Variants in KDM4A observed in about 807,000 individuals in gnomAD.
KDM4A encodes the protein lysine-specific demethylase 4A.
Under a neutral mutation model 127.1 loss-of-function variants are expected in KDM4A, and 23 were observed. The observed-to-expected ratio is 0.18, with a 90% CI of 0.13 to 0.26. The LOEUF (loss-of-function observed/expected upper bound fraction) is 0.26. Among genes scored for constraint, KDM4A ranks in the 10% least tolerant of loss-of-function variants. KDM4A has a pLI of 1.00. For missense variants in KDM4A, 890 were observed against 1,329.1 expected, an observed-to-expected ratio of 0.67 and a Z score of 5.14; for synonymous variants, 443 against 466.5, an observed-to-expected ratio of 0.95 and a Z score of 0.65.
intron 3 of KDM4A, among the ~76,000 whole-genome samples, chr1:43,656,050 G>A (rs1159583652): frequency 2.0e-5 from 3 of 152,138 alleles, no homozygotes; most frequent in Admixed American, 2.0e-4. Flanking sequence ...AGTTGGATGT[G>A]GTGCACAAGG....
At chr1:43,701,239 AT>A (rs1317953541) in intron 19 of KDM4A, among the ~76,000 whole-genome samples, 1 of 152,194 alleles carries the variant, frequency 6.6e-6, no homozygotes, top group East Asian at 1.9e-4. Flanking sequence ...TAAAAATTAC[AT>A]TTGTTAGTAT....
rs567544951 is a variant in KDM4A, at chr1:43,665,952, G to C, written c.673+207G>C. 3.3e-5 allele frequency among the ~76,000 whole-genome samples: 5 copies of C among 152,290 alleles called. No individual in the cohort carries two copies. The East Asian group carries it at 9.7e-4, about 29-fold the overall frequency. Reference sequence around the variant, plus strand: ...TGACTGTCTGTGCCTCAGTTTTAATGAGCAGGGGTGTTTCTTTGACCAGCG... The same window carrying C: ...TGACTGTCTGTGCCTCAGTTTTAATCAGCAGGGGTGTTTCTTTGACCAGCG... On this transcript the variant is annotated intron_variant, in intron 6 of 21. Transcript: ENST00000372396.
At chr1:43,666,646 G>T (rs371770453) in intron 7 of KDM4A, 91 bp downstream of exon 7, 12 of 1,034,946 alleles carry the variant, frequency 1.2e-5, no homozygotes, top group East Asian at 4.8e-5. Context: ...TATACCAAGA[G>T]GGGGCCAAAG....
Position 43,704,234 on chromosome 1 carries a change from T to C in KDM4A, c.3059T>C (p.Val1020Ala), listed in dbSNP as rs756568719. 3 of 1,613,952 alleles carry C rather than the reference T, an allele frequency of 1.9e-6. No individual in the cohort carries two copies. Among genetic ancestry groups the C allele is most frequent in the Non-Finnish European group, 2.5e-6 (3 of 1,179,992 alleles). ...GGCTTGCTTATTCTTCTATAGTCAG[T>C]AGCCTCAGACATGCGCTTCAATGAG... ...LPKRVKSRLS[V>A]ASDMRFNEIF... Residue 1020 changes from valine to alanine, a missense_variant, in exon 22 of 22, where the codon GTA (valine) becomes GCA (alanine). By Grantham distance (64) the Val-to-Ala change is moderately conservative. Coordinates refer to ENST00000372396, the MANE Select transcript of KDM4A (RefSeq NM_014663.3).
chr1:43,671,823 C>T lies in KDM4A; in HGVS notation c.1682C>T (p.Thr561Met), dbSNP rs769974000. ...DGRVTVGEPCTRKKGSAARSF... is the reference protein window; with the variant it reads ...DGRVTVGEPCMRKKGSAARSF... ...AGGGTCACTGTGGGAGAGCCATGCA[C>T]GAGGAAGAAAGGAAGCGCCGCTAGA... is the stretch of plus-strand genomic sequence containing the variant. Residue 561 changes from threonine to methionine, a missense_variant, in exon 11 of 22, where the codon ACG (threonine) becomes ATG (methionine). By Grantham distance (81) the Thr-to-Met change is moderately conservative. Coordinates refer to ENST00000372396, the MANE Select transcript of KDM4A (RefSeq NM_014663.3). 1.6e-5 allele frequency: 25 copies of T among 1,593,036 alleles called. No homozygotes were observed. Among genetic ancestry groups the T allele is most frequent in the Middle Eastern group, 1.7e-4 (1 of 5,932 alleles).
At chr1:43,671,292 C>T (rs1479010738) in intron 10 of KDM4A, among the ~76,000 whole-genome samples, 1 of 152,152 alleles carries the variant, frequency 6.6e-6, no homozygotes, top group Non-Finnish European at 1.5e-5. Flanking sequence ...CCCTGTAGAT[C>T]TGTAGTAGCA....
intron 4 of KDM4A, among the ~76,000 whole-genome samples, chr1:43,661,632 A>AAAAAG (rs1660383509): frequency 9.4e-5 from 10 of 106,072 alleles, no homozygotes; most frequent in East Asian, 3.0e-4. Context: ...AAAAAAAAAA[A>AAAAAG]AAAAAAAAGA....
chr1:43,694,883 C>T lies in KDM4A; in HGVS notation c.2659C>T (p.Pro887Ser). 1.3e-6 allele frequency: 2 copies of T among 1,594,308 alleles called. No individual in the cohort carries two copies. The highest frequency in any genetic ancestry group is 2.2e-5 in the South Asian group (2 of 90,696). ...VFITCFRHKIPNLERAKGALQ... is the reference protein window; with the variant it reads ...VFITCFRHKISNLERAKGALQ... ...CATTACCTGCTTTCGGCACAAGATT[C>T]CTAATTTGGAGGTGAGAGAGGGTGT... is the stretch of plus-strand genomic sequence containing the variant. Residue 887 changes from proline (P) to serine (S), a missense_variant, in exon 18 of 22, where the codon CCT (proline) becomes TCT (serine). Pro to Ser is a moderately conservative substitution (Grantham distance 74, BLOSUM62 -1). This residue lies in a region of KDM4A where 246 missense variants were observed against 418.4 expected (regional missense o/e 0.59). Transcript: ENST00000372396. This position sits in a 1 kb window ranked among gnomAD's most constrained non-coding sequence, Gnocchi z 5.2.
intron 11 of KDM4A, 91 bp from the exon 12 acceptor site, chr1:43,683,593 C>T: frequency 7.0e-7 from 1 of 1,427,186 alleles, no homozygotes; most frequent in Non-Finnish European, 9.5e-7. Context: ...TCTCTGTGCC[C>T]CTCTCTTTCC....
chr1:43,693,911 G>A lies in KDM4A; in HGVS notation c.2376-83G>A, dbSNP rs1159619942. On this transcript the variant is annotated intron_variant, in intron 16 of 21. Transcript: ENST00000372396. This position sits in a 1 kb window ranked among gnomAD's most constrained non-coding sequence, Gnocchi z 4.2. ...GTCAGTGGTCACCCAGGTGAGGGAG[G>A]AAGCGCTGTCAGCAGGCCCAAAAGA... 1.8e-5 allele frequency: 19 copies of A among 1,083,338 alleles called. No individual in the cohort carries two copies. The highest frequency in any genetic ancestry group is 2.5e-5 in the Non-Finnish European group (18 of 715,380). The allele number at this position is 1,083,338 out of a possible 1,614,324, so 67.1% of individuals were successfully genotyped here.
chr1:43,689,440 T>C (rs1472847551), intron 13 of KDM4A, among the ~76,000 whole-genome samples: 2 of 152,234 alleles, frequency 1.3e-5, no homozygotes, highest in Non-Finnish European at 2.9e-5. Flanking sequence ...GGTGGAGAAC[T>C]GTGATTTCCT....
rs1661200521 is a variant in KDM4A, at chr1:43,694,649, A to G, written c.2485-60A>G. 2.0e-6 allele frequency: 3 copies of G among 1,479,128 alleles called. No individual in the cohort carries two copies. The highest frequency in any genetic ancestry group is 4.6e-5 in the East Asian group (2 of 43,696). 91.6% of individuals were successfully genotyped at this position (1,479,128 alleles called of 1,614,324 possible). ...TTGGCTTTGCATTTGGGAGGGGAAC[A>G]ACAGAGGAAGCTGCAGTGCCAGTTC... On this transcript the variant is annotated intron_variant, in intron 17 of 21. Coordinates refer to ENST00000372396, the MANE Select transcript of KDM4A (RefSeq NM_014663.3). This position sits in a 1 kb window ranked among gnomAD's most constrained non-coding sequence, Gnocchi z 5.2.
Position 43,669,020 on chromosome 1 carries a change from TG to T in KDM4A, c.1164-79del. 3 of 1,434,508 alleles carry T rather than the reference TG, an allele frequency of 2.1e-6. No homozygotes were observed. In the South Asian group the frequency reaches 3.5e-5, roughly 17 times the overall value. 88.9% of individuals were successfully genotyped at this position (1,434,508 alleles called of 1,614,324 possible). On this transcript the variant is annotated intron_variant, in intron 9 of 21. Transcript: ENST00000372396. The stretch of plus-strand genomic sequence containing the variant: ...CAGGCTCTGGCCATTCACTTTGGGT[TG>T]TGTGTGGATGTGTATGAATGTGTTT...
At chr1:43,691,199 A>G in intron 14 of KDM4A, 150 bp downstream of exon 14, 2 of 804,574 alleles carry the variant, frequency 2.5e-6, no homozygotes, top group African/African-American at 1.7e-5. Flanking sequence ...CACTGTCTCC[A>G]GGGGTCCATA....
At chr1:43,690,738 C>A in intron 13 of KDM4A, 107 bp from the exon 14 acceptor site, 2 of 1,023,518 alleles carry the variant, frequency 2.0e-6, no homozygotes, top group South Asian at 1.3e-5. Context: ...GGAGCTGTAG[C>A]CATAGTCAGA....
chr1:43,662,859 A>G, intron 4 of KDM4A, 35 bp from the exon 5 acceptor site: 3 of 1,558,138 alleles, frequency 1.9e-6, no homozygotes, highest in Non-Finnish European at 2.6e-6. Context: ...TTCTATGCAA[A>G]TGTAACTTGC....
At chr1:43,685,869 T>G (rs1660962680) in intron 12 of KDM4A, among the ~76,000 whole-genome samples, 1 of 152,120 alleles carries the variant, frequency 6.6e-6, no homozygotes. Context: ...TCCTAGGAAG[T>G]TCTCTGTGTT....
intron 14 of KDM4A, 64 bp downstream of exon 14, chr1:43,691,113 C>A: frequency 6.6e-7 from 1 of 1,521,150 alleles, no homozygotes; most frequent in South Asian, 1.1e-5. Context: ...ACTGGAAGTT[C>A]TTGCCACCTC....
chr1:43,663,428 T>C (rs656131), intron 5 of KDM4A, among the ~76,000 whole-genome samples: 112,387 of 152,002 alleles, frequency 0.74, 42,757 homozygotes, highest in African/African-American at 0.91. Flanking sequence ...AGAGTCACTC[T>C]CTCAGATGAC....
Sources: gnomAD v4.1 joint callset for allele counts (sites outside exome capture counted in the v4.1 genomes callset) on GRCh38, gnomAD v4.1.1 for gene constraint, gnomAD v4.1.1 regional missense constraint, Gnocchi (gnomAD v3.1) non-coding constraint, MANE v1.5 for transcripts, NCBI Gene and HGNC (gene_info 2026-07-23, HGNC 2026-07-21) for gene names.